Variants in PDE3B observed in about 807,000 individuals in gnomAD.
The protein encoded by PDE3B is phosphodiesterase 3B, also known as cGMP-inhibited 3',5'-cyclic phosphodiesterase 3B.
Under a neutral mutation model 116.8 loss-of-function variants are expected in PDE3B, and 66 were observed. The ratio of observed to expected loss-of-function variants is 0.56; its 90% CI spans 0.46 to 0.69. The LOEUF (loss-of-function observed/expected upper bound fraction) is 0.69. Ranked by LOEUF, PDE3B falls within the 30% of genes least tolerant of loss-of-function variation. PDE3B has a pLI of 0.00. For missense variants in PDE3B, 1,384 were observed against 1,368.1 expected, an observed-to-expected ratio of 1.01 and a Z score of -0.18; for synonymous variants, 595 against 533.6, an observed-to-expected ratio of 1.12 and a Z score of -1.59.
At chr11:14,783,075 G>T (rs970051006) in intron 2 of PDE3B, among the ~76,000 whole-genome samples, 69 of 152,194 alleles carry the variant, frequency 4.5e-4, no homozygotes, top group African/African-American at 1.6e-3. Flanking sequence ...TCTCACACCA[G>T]TTAGAATGGT....
chr11:14,814,056 G>A (rs1859239688), intron 5 of PDE3B, among the ~76,000 whole-genome samples: 1 of 152,114 alleles, frequency 6.6e-6, no homozygotes, highest in African/African-American at 2.4e-5. Flanking sequence ...ATGTTCATTT[G>A]ATAAATTTGA....
chr11:14,732,300 T>C (rs1473009645), intron 1 of PDE3B, among the ~76,000 whole-genome samples: 1 of 152,138 alleles, frequency 6.6e-6, no homozygotes, highest in East Asian at 1.9e-4. Context: ...TGGGTCTAGA[T>C]TTCATACTGG....
intron 1 of PDE3B, among the ~76,000 whole-genome samples, chr11:14,752,610 T>G (rs564543817): frequency 6.6e-6 from 1 of 152,112 alleles, no homozygotes; most frequent in Admixed American, 6.6e-5. Context: ...GTGAGAACGT[T>G]GAAATGTTTT....
chr11:14,659,951 CTGTT>C (rs1390025730), intron 1 of PDE3B, among the ~76,000 whole-genome samples: 1 of 152,220 alleles, frequency 6.6e-6, no homozygotes. Flanking sequence ...TTCATACAAT[CTGTT>C]TGGTAAACTG....
At chr11:14,810,277 A>G (rs1859085099) in intron 5 of PDE3B, among the ~76,000 whole-genome samples, 1 of 148,992 alleles carries the variant, frequency 6.7e-6, no homozygotes, top group Admixed American at 6.7e-5. Flanking sequence ...CTAACTCGTC[A>G]TCTAGCATTA....
intron 1 of PDE3B, among the ~76,000 whole-genome samples, chr11:14,704,481 A>G (rs769178502): frequency 2.0e-5 from 3 of 151,914 alleles, no homozygotes; most frequent in African/African-American, 2.4e-5. Context: ...AGACAGATCA[A>G]TAGTCAAAGC....
the PDE3B span, among the ~76,000 whole-genome samples, chr11:14,885,363 G>A: frequency 1.3e-5 from 2 of 152,098 alleles, no homozygotes; most frequent in African/African-American, 4.8e-5. Context: ...ACTAATCACA[G>A]TGATTAGTAG....
At chr11:14,662,411 C>G (rs1219072017) in intron 1 of PDE3B, among the ~76,000 whole-genome samples, 3 of 152,186 alleles carry the variant, frequency 2.0e-5, no homozygotes, top group Non-Finnish European at 4.4e-5. Flanking sequence ...CTCTCCTCCT[C>G]CAAAGGAACT....
At chr11:14,793,011 G>T (rs533472020) in intron 4 of PDE3B, among the ~76,000 whole-genome samples, 1 of 152,264 alleles carries the variant, frequency 6.6e-6, no homozygotes, top group South Asian at 2.1e-4. Context: ...GTTCGAGATT[G>T]CATTAAAATG....
the PDE3B span, chr11:14,891,724 A>G: frequency 7.8e-7 from 1 of 1,281,038 alleles, no homozygotes; most frequent in Non-Finnish European, 9.9e-7. Context: ...GTAGCGGGAA[A>G]ATCAGGACTG....
chr11:14,878,112 C>T, the PDE3B span: 1 of 1,612,626 alleles, frequency 6.2e-7, no homozygotes, highest in Non-Finnish European at 8.5e-7. Context: ...CGAAAACATC[C>T]CAGGCAGTTT....
At chr11:14,891,671 T>C in the PDE3B span, 2 of 1,176,010 alleles carry the variant, frequency 1.7e-6, no homozygotes, top group Non-Finnish European at 2.1e-6. Context: ...GCGGCGCGGC[T>C]GGCGAGCCAA....
At chr11:14,722,715 T>C (rs1856157982) in intron 1 of PDE3B, among the ~76,000 whole-genome samples, 1 of 152,220 alleles carries the variant, frequency 6.6e-6, no homozygotes, top group African/African-American at 2.4e-5. Flanking sequence ...GCTGACAGTT[T>C]GATTATAACC....
intron 1 of PDE3B, among the ~76,000 whole-genome samples, chr11:14,663,062 G>C (rs1356026390): frequency 6.6e-6 from 1 of 151,970 alleles, no homozygotes; most frequent in African/African-American, 2.4e-5. Flanking sequence ...CAGAGAGAAA[G>C]GTCGGGTTAC....
At chr11:14,781,006 C>G (rs1857978886) in intron 2 of PDE3B, among the ~76,000 whole-genome samples, 1 of 152,176 alleles carries the variant, frequency 6.6e-6, no homozygotes, top group Admixed American at 6.5e-5. Flanking sequence ...TACAGAGATA[C>G]AAACTACCAT....
At chr11:14,670,721 C>T (rs1474173223) in intron 1 of PDE3B, among the ~76,000 whole-genome samples, 1 of 151,988 alleles carries the variant, frequency 6.6e-6, no homozygotes, top group African/African-American at 2.4e-5. Flanking sequence ...TTACTTTATC[C>T]TAAAAAATTT....
At chr11:14,744,403 G>T (rs1856850765) in intron 1 of PDE3B, among the ~76,000 whole-genome samples, 1 of 152,106 alleles carries the variant, frequency 6.6e-6, no homozygotes, top group African/African-American at 2.4e-5. Context: ...TCACAATATT[G>T]TCTTCCAAGT....
intron 1 of PDE3B, among the ~76,000 whole-genome samples, chr11:14,766,189 C>T (rs543242243): frequency 6.6e-6 from 1 of 151,758 alleles, no homozygotes; most frequent in Admixed American, 6.6e-5. Context: ...CTCTGTTTAG[C>T]TCAATGTTGA....
At chr11:14,743,128 C>T (rs1856815075) in intron 1 of PDE3B, among the ~76,000 whole-genome samples, 1 of 151,046 alleles carries the variant, frequency 6.6e-6, no homozygotes, top group Non-Finnish European at 1.5e-5. Flanking sequence ...TCAGACCTGG[C>T]AGACAGGAAC....
Sources: gnomAD v4.1 joint callset for allele counts (sites outside exome capture counted in the v4.1 genomes callset) on GRCh38, gnomAD v4.1.1 for gene constraint, MANE v1.5 for transcripts, NCBI Gene and HGNC (gene_info 2026-07-23, HGNC 2026-07-21) for gene names.